Variants in SEMA3D observed in about 807,000 individuals in gnomAD.
SEMA3D encodes the protein semaphorin-3D.
SEMA3D carries 84 observed loss-of-function variants against 100.1 expected under a neutral mutation model. The observed-to-expected ratio is 0.84, with a 90% CI of 0.70 to 1.01. The LOEUF (loss-of-function observed/expected upper bound fraction) is 1.01, where lower values mean the gene tolerates loss of function less well. Ranked by LOEUF, SEMA3D falls within the 50% of genes least tolerant of loss-of-function variation. The pLI, the probability that SEMA3D is intolerant of heterozygous loss-of-function variation, is 0.00. For synonymous variants in SEMA3D, 312 were observed against 320.7 expected (o/e 0.97, Z 0.29); for missense variants, 875 against 934.1 (o/e 0.94, Z 0.82).
chr7:85,239,627 T>C, the SEMA3D span, among the ~76,000 whole-genome samples: 11 of 152,160 alleles, frequency 7.2e-5, no homozygotes, highest in African/African-American at 2.7e-4. Flanking sequence ...CAATATATGC[T>C]TCATAATAAA....
In SEMA3D at chr7:85,097,914, A is replaced by C. The variant is rs748956930; in HGVS notation, c.203T>G (p.Leu68Arg). Residue 68 changes from leucine (L) to arginine (R), a missense_variant, in exon 4 of 19, where the codon CTG becomes CGG. Physicochemically the swap from Leu to Arg is moderately radical, Grantham distance 102 (BLOSUM62 -2). Coordinates refer to ENST00000284136, the MANE Select transcript of SEMA3D (RefSeq NM_001384900.1). ...CIPFLGSSEG[L>R]DFQTLLLDEE... ...ATCTAAGAGAAGAGTTTGAAAATCC[A>C]GTCCTTCTGATGAACCCAAAAAGGG... The C allele has an allele frequency of 6.2e-6, 10 of 1,609,398 alleles. No individual in the cohort carries two copies. In the South Asian group the frequency reaches 7.7e-5, roughly 12 times the overall value.
the SEMA3D span, among the ~76,000 whole-genome samples, chr7:85,198,357 G>A: frequency 6.6e-6 from 1 of 151,832 alleles, no homozygotes; most frequent in Non-Finnish European, 1.5e-5. Context: ...ATTGATTCTT[G>A]TGTGTTAGTT....
At position 85,131,854 on chromosome 7, in the gene SEMA3D, G is replaced by C. The variant is rs74727420; in HGVS notation, c.-40-9923C>G. Among the ~76,000 whole-genome samples the C allele has an allele frequency of 5.8e-3, 880 of 151,910 alleles. 6 individuals are homozygous for C. Among genetic ancestry groups the C allele is most frequent in the African/African-American group, 0.02 (822 of 41,510 alleles). ...AGTATTTAGTTTTACAACTAGTATA[G>C]TATGGTTTAAAGGTGTAAAGTTTTT... is the stretch of plus-strand genomic sequence containing the variant. On this transcript the variant is annotated intron_variant, in intron 2 of 18. Transcript: ENST00000284136.
At chr7:85,106,974 T>G (rs2116349531) in intron 3 of SEMA3D, among the ~76,000 whole-genome samples, 1 of 152,188 alleles carries the variant, frequency 6.6e-6, no homozygotes, top group African/African-American at 2.4e-5. Context: ...AAGGTGAGGT[T>G]TGGGTGGCAA....
chr7:85,068,460 T>C (rs575016653), intron 6 of SEMA3D, among the ~76,000 whole-genome samples, 176 bp from the exon 7 acceptor site: 1 of 152,260 alleles, frequency 6.6e-6, no homozygotes, highest in African/African-American at 2.4e-5. Context: ...CAAGACTTAA[T>C]AACCATGTTT....
intron 1 of SEMA3D, among the ~76,000 whole-genome samples, chr7:85,185,827 G>C (rs1353784928): frequency 6.6e-6 from 1 of 152,182 alleles, no homozygotes; most frequent in Non-Finnish European, 1.5e-5. Flanking sequence ...CTCCAGGCTC[G>C]TTGGGCAGAA....
Position 85,087,856 on chromosome 7 carries a change from C to A in SEMA3D, c.313-6277G>T, listed in dbSNP as rs191094118. On this transcript the variant is annotated intron_variant, in intron 4 of 18. Transcript: ENST00000284136. ...ATCTAAACATATATCTGTATATTTT[C>A]TTTTAGAGTTGTATAGCTTACTAGT... Among the ~76,000 whole-genome samples the A allele has an allele frequency of 5.3e-3, 803 of 152,074 alleles. 8 individuals carry two copies. Among genetic ancestry groups the A allele is most frequent in the African/African-American group, 0.019 (768 of 41,496 alleles).
At chr7:85,137,281 G>A (rs1789895019) in intron 2 of SEMA3D, among the ~76,000 whole-genome samples, 1 of 151,604 alleles carries the variant, frequency 6.6e-6, no homozygotes, top group Admixed American at 6.6e-5. Flanking sequence ...TATATGTGAT[G>A]TATATATATG....
At chr7:85,029,044 G>T (rs1790470961) in intron 12 of SEMA3D, 1 of 473,608 alleles carries the variant, frequency 2.1e-6, no homozygotes, top group Admixed American at 2.8e-5. Flanking sequence ...TAAAACTGCT[G>T]ATGGAGTCAT....
chr7:85,127,461 A>C (rs771529523), intron 2 of SEMA3D, among the ~76,000 whole-genome samples: 3 of 152,140 alleles, frequency 2.0e-5, no homozygotes, highest in Non-Finnish European at 2.9e-5. Flanking sequence ...TCAACAGAAA[A>C]TAATACAATT....
chr7:85,080,109 A>G (rs889723249), intron 5 of SEMA3D, among the ~76,000 whole-genome samples: 3 of 152,198 alleles, frequency 2.0e-5, no homozygotes, highest in Non-Finnish European at 4.4e-5. Flanking sequence ...ATGACATTTA[A>G]TTATGTTAAT....
chr7:85,248,650 G>A, the SEMA3D span, among the ~76,000 whole-genome samples: 1 of 152,094 alleles, frequency 6.6e-6, no homozygotes, highest in African/African-American at 2.4e-5. Flanking sequence ...GCACTGAAAA[G>A]CCATGAGCTA....
At chr7:85,086,062 TC>T (rs1788203348) in intron 4 of SEMA3D, among the ~76,000 whole-genome samples, 1 of 152,156 alleles carries the variant, frequency 6.6e-6, no homozygotes, top group South Asian at 2.1e-4. Flanking sequence ...AAATTTTACT[TC>T]TTAAAGTAAA....
chr7:85,116,481 T>C (rs1448595112), intron 3 of SEMA3D, among the ~76,000 whole-genome samples: 1 of 149,374 alleles, frequency 6.7e-6, no homozygotes, highest in Non-Finnish European at 1.5e-5. Context: ...ATATAAATTG[T>C]TTTATATAGG....
chr7:85,033,915 T>A (rs1790619388), intron 12 of SEMA3D, among the ~76,000 whole-genome samples: 1 of 148,182 alleles, frequency 6.7e-6, no homozygotes, highest in Non-Finnish European at 1.5e-5. Context: ...AAGGTAAAAA[T>A]ATATAATTTA....
At chr7:85,005,099 A>G (rs1789757325) in intron 18 of SEMA3D, among the ~76,000 whole-genome samples, 1 of 151,938 alleles carries the variant, frequency 6.6e-6, no homozygotes, top group Admixed American at 6.6e-5. Flanking sequence ...TAAATTTCCC[A>G]TGAAGAAAAA....
intron 1 of SEMA3D, among the ~76,000 whole-genome samples, chr7:85,171,356 C>T (rs1016051238): frequency 5.3e-5 from 8 of 151,818 alleles, no homozygotes; most frequent in African/African-American, 1.9e-4. Context: ...AGAACAGAAC[C>T]GTGGACAAAG....
intron 1 of SEMA3D, among the ~76,000 whole-genome samples, chr7:85,161,706 G>A (rs1790749954): frequency 6.6e-6 from 1 of 152,018 alleles, no homozygotes; most frequent in South Asian, 2.1e-4. Context: ...GCCAATCTGT[G>A]TTTTTTTCTA....
At chr7:85,234,708 G>T in the SEMA3D span, among the ~76,000 whole-genome samples, 1 of 152,076 alleles carries the variant, frequency 6.6e-6, no homozygotes, top group Non-Finnish European at 1.5e-5. Context: ...AAAGAATAAT[G>T]ATAAAAGAAA....
Sources: allele counts gnomAD v4.1 joint callset (sites outside exome capture counted in the v4.1 genomes callset), GRCh38; gene constraint gnomAD v4.1.1; transcripts MANE v1.5; gene names NCBI Gene and HGNC (gene_info 2026-07-23, HGNC 2026-07-21).